Variants in PCDHGB6 observed in about 807,000 individuals in gnomAD.
The protein encoded by PCDHGB6 is protocadherin gamma-B6.
Under a neutral mutation model 59.1 loss-of-function variants are expected in PCDHGB6, and 51 were observed. That is an observed-to-expected ratio of 0.86 (90% confidence interval 0.69 to 1.09). The LOEUF is 1.09. Ranked by LOEUF, PCDHGB6 falls within the 50% of genes least tolerant of loss-of-function variation. The pLI is 0.00. For synonymous variants in PCDHGB6, 466 were observed against 495.1 expected (o/e 0.94, Z 0.78); for missense variants, 1,148 against 1,205.1 (o/e 0.95, Z 0.70).
Position 141,409,821 on chromosome 5 carries a change from C to T in PCDHGB6, c.1619C>T (p.Pro540Leu). The T allele has an allele frequency of 6.2e-7, 1 of 1,610,940 alleles. No homozygotes were observed. Among genetic ancestry groups the T allele is most frequent in the Non-Finnish European group, 8.5e-7 (1 of 1,178,912 alleles). Residue 540 changes from proline (P) to leucine (L), a missense_variant, in exon 1 of 4, where the codon CCC (proline) becomes CTC (leucine). Around this residue, in one of 5 missense-constraint regions of PCDHGB6, gnomAD observed 549 missense variants for 527.5 expected, o/e 1.04. Transcript: ENST00000520790. ...CTGCAGGCCCGCGACCACGGCTCGC[C>T]CACGCTCAGCGCCAACGTGAGCCTG... Reference protein sequence around the residue: ...LTLQARDHGSPTLSANVSLRV... With the variant: ...LTLQARDHGSLTLSANVSLRV...
intron 1 of PCDHGB6, among the ~76,000 whole-genome samples, chr5:141,443,781 C>CA (rs1227271563): frequency 8.6e-5 from 13 of 150,636 alleles, no homozygotes; most frequent in South Asian, 2.1e-4. Flanking sequence ...ACCAAAAAGA[C>CA]AAAAAAAATG....
Position 141,490,611 on chromosome 5 carries a change from G to GCTTTA in PCDHGB6, c.2419-4194_2419-4190dup. On this transcript the variant is annotated intron_variant, in intron 1 of 3. Coordinates refer to ENST00000520790, the MANE Select transcript of PCDHGB6 (RefSeq NM_018926.3). The surrounding 1 kb of genome is among the most constrained non-coding windows in gnomAD (Gnocchi z 5.4). The stretch of plus-strand genomic sequence containing the variant: ...ACAATGCACCCCGCTTCAACCAGCA[G>GCTTTA]CTTTACACTGCTTACATCCTAGAAA... 6.2e-7 allele frequency: 1 copy of GCTTTA among 1,614,170 alleles called. No individual in the cohort carries two copies. Among genetic ancestry groups the GCTTTA allele is most frequent in the Non-Finnish European group, 8.5e-7 (1 of 1,180,036 alleles).
At chr5:141,509,376 C>A (rs2099876528) in intron 3 of PCDHGB6, among the ~76,000 whole-genome samples, 1 of 152,122 alleles carries the variant, frequency 6.6e-6, no homozygotes, top group African/African-American at 2.4e-5. Flanking sequence ...TTAACTGTCT[C>A]CTAACCACAG....
chr5:141,481,877 G>A (rs535267598), intron 1 of PCDHGB6, among the ~76,000 whole-genome samples: 4 of 144,402 alleles, frequency 2.8e-5, no homozygotes, highest in African/African-American at 7.8e-5. Context: ...TCGCGCCACT[G>A]CACTCCAGCC....
chr5:141,481,142 G>T (rs2099532501), intron 1 of PCDHGB6, among the ~76,000 whole-genome samples: 1 of 152,212 alleles, frequency 6.6e-6, no homozygotes, highest in Non-Finnish European at 1.5e-5. Context: ...GAAGTAAAGT[G>T]TTATTCTGGT....
intron 1 of PCDHGB6, chr5:141,414,447 C>A (rs2095748360): frequency 1.2e-6 from 2 of 1,613,848 alleles, no homozygotes; most frequent in East Asian, 2.2e-5. Flanking sequence ...CTTACAATAT[C>A]ACAGTGACAG....
At chr5:141,464,430 T>C (rs1213919443) in intron 1 of PCDHGB6, among the ~76,000 whole-genome samples, 1 of 151,680 alleles carries the variant, frequency 6.6e-6, no homozygotes, top group Non-Finnish European at 1.5e-5. Flanking sequence ...TATATAGATA[T>C]ATATGTTTGT....
At chr5:141,442,737 G>A (rs1376026431) in intron 1 of PCDHGB6, among the ~76,000 whole-genome samples, 1 of 152,152 alleles carries the variant, frequency 6.6e-6, no homozygotes, top group Non-Finnish European at 1.5e-5. Flanking sequence ...CTGTAGGTAA[G>A]GAGCATGTTT....
intron 1 of PCDHGB6, among the ~76,000 whole-genome samples, chr5:141,446,739 T>A (rs1292920572): frequency 2.6e-5 from 4 of 152,180 alleles, no homozygotes; most frequent in African/African-American, 7.2e-5. Flanking sequence ...AGTGTGGGGA[T>A]TACAGGCGTG....
rs754462129 is a variant in PCDHGB6, at chr5:141,490,693, G to T, written c.2419-4114G>T. 6.2e-7 allele frequency: 1 copy of T among 1,614,170 alleles called. No homozygotes were observed. Among genetic ancestry groups the T allele is most frequent in the South Asian group, 1.1e-5 (1 of 91,072 alleles). On this transcript the variant is annotated intron_variant, in intron 1 of 3. Transcript: ENST00000520790. This position sits in a 1 kb window ranked among gnomAD's most constrained non-coding sequence, Gnocchi z 5.4. Reference sequence around the variant, plus strand: ...GGCTGCCTCAGATCCAGACACTGGGGATAATGCCCGCCTCACCTACTCCAT... The same window carrying T: ...GGCTGCCTCAGATCCAGACACTGGGTATAATGCCCGCCTCACCTACTCCAT...
rs369206085 is a variant in PCDHGB6 at position 141,490,515 on chromosome 5, G to A, written c.2419-4292G>A. On this transcript the variant is annotated intron_variant, in intron 1 of 3. Transcript: ENST00000520790. The surrounding 1 kb of genome is among the most constrained non-coding windows in gnomAD (Gnocchi z 5.4). ...CATCCCACTATATCATCGAGCTGCT[G>A]GCCAGCGATGCTGGTTCACCTTCCC... The A allele has an allele frequency of 2.3e-5, 37 of 1,613,840 alleles. No individual in the cohort carries two copies. In the Middle Eastern group the frequency reaches 1.2e-3, roughly 50 times the overall value.
intron 1 of PCDHGB6, chr5:141,419,027 GTTCCAT>G: frequency 6.2e-7 from 1 of 1,613,870 alleles, no homozygotes; most frequent in Non-Finnish European, 8.5e-7. Context: ...AAGTAGAGGT[GTTCCAT>G]TTAAGATTCA....
rs199698737 is a variant in PCDHGB6, at chr5:141,438,639, C to T, written c.2418+28019C>T. On this transcript the variant is annotated intron_variant, in intron 1 of 3. Transcript: ENST00000520790. ...ATATATATATATATATATATATACA[C>T]ACACACACACACATATATGTATATA... 7.1e-3 allele frequency among the ~76,000 whole-genome samples: 359 copies of T among 50,816 alleles called. 1 individual carries two copies. Among genetic ancestry groups the T allele is most frequent in the South Asian group, 0.017 (27 of 1,588 alleles). The allele number at this position is 50,816 out of a possible 152,430, so 33.3% of individuals were successfully genotyped here.
chr5:141,408,346 G>T lies in PCDHGB6; in HGVS notation c.144G>T (p.Gly48=), dbSNP rs1248648378. The stretch of plus-strand genomic sequence containing the variant: ...AGCTGGCCAAGGGCTCGGTGGTGGG[G>T]AACCTCGCTAAGGATCTAGGGCTCA... ...PEELAKGSVV[G]NLAKDLGLSV... The change falls in exon 1 of 4, where the codon GGG becomes GGT. Residue 48 remains glycine (G), a synonymous_variant. Transcript: ENST00000520790. The T allele has an allele frequency of 6.2e-7, 1 of 1,613,824 alleles. No individual in the cohort carries two copies. Among genetic ancestry groups the T allele is most frequent in the African/African-American group, 1.3e-5 (1 of 74,952 alleles).
chr5:141,409,590 A>G lies in PCDHGB6; in HGVS notation c.1388A>G (p.Glu463Gly), dbSNP rs755702950. ...ACGTCCTACGTGGTCCACGTGGCCG[A>G]GAACAACCCGCCAGGAGCCTCCATT... ...DQTSYVVHVA[E>G]NNPPGASIAQ... Residue 463 changes from glutamate to glycine, a missense_variant, in exon 1 of 4, where the codon GAG (glutamate) becomes GGG (glycine). By Grantham distance (98) the Glu-to-Gly change is moderately conservative. Around this residue, in one of 5 missense-constraint regions of PCDHGB6, gnomAD observed 549 missense variants for 527.5 expected, o/e 1.04. Transcript: ENST00000520790. 6.2e-7 allele frequency: 1 copy of G among 1,613,898 alleles called. No individual in the cohort carries two copies. The highest frequency in any genetic ancestry group is 8.5e-7 in the Non-Finnish European group (1 of 1,179,894).
chr5:141,501,130 G>C (rs528942194), intron 2 of PCDHGB6, among the ~76,000 whole-genome samples: 1 of 152,218 alleles, frequency 6.6e-6, no homozygotes, highest in South Asian at 2.1e-4. Flanking sequence ...GCCTCCCTAA[G>C]TGCTGGGATT....
At chr5:141,470,858 TTTTG>T (rs775688955) in intron 1 of PCDHGB6, among the ~76,000 whole-genome samples, 79 of 151,956 alleles carry the variant, frequency 5.2e-4, no homozygotes, top group Non-Finnish European at 3.5e-4. Context: ...CAGATAAGTT[TTTTG>T]TTTGTTTGTT....
At chr5:141,435,214 A>T (rs1314928643) in intron 1 of PCDHGB6, among the ~76,000 whole-genome samples, 1 of 152,176 alleles carries the variant, frequency 6.6e-6, no homozygotes, top group Non-Finnish European at 1.5e-5. Context: ...AAGTGAATTT[A>T]CTTTCTTTCA....
rs1357085904 is a variant in PCDHGB6 at position 141,409,524 on chromosome 5, A to AT, written c.1323dup (p.Val442CysfsTer3). ...TCTTCCAGTAGAAGCATCACCTTGT[A>AT]TGTCGCTGACATCAACGACAACGCC... is the stretch of plus-strand genomic sequence containing the variant. On this transcript the variant is annotated frameshift_variant, in exon 1 of 4. Coordinates refer to ENST00000520790, the MANE Select transcript of PCDHGB6 (RefSeq NM_018926.3). LOFTEE classifies it high-confidence loss of function. The AT allele has an allele frequency of 5.6e-6, 9 of 1,613,854 alleles. No individual in the cohort carries two copies. Among genetic ancestry groups the AT allele is most frequent in the Non-Finnish European group, 6.8e-6 (8 of 1,179,912 alleles).
Sources: allele counts gnomAD v4.1 joint callset (sites outside exome capture counted in the v4.1 genomes callset), GRCh38; gene constraint gnomAD v4.1.1; regional missense constraint gnomAD v4.1.1; non-coding constraint Gnocchi (gnomAD v3.1); transcripts MANE v1.5; gene names NCBI Gene and HGNC (gene_info 2026-07-23, HGNC 2026-07-21).